Variants in COLGALT2 observed in about 807,000 individuals in gnomAD.
COLGALT2 encodes procollagen galactosyltransferase 2.
A neutral mutation model predicts 73.4 loss-of-function variants in COLGALT2; 49 were observed. The observed-to-expected ratio is 0.67, with a 90% CI of 0.53 to 0.85. The LOEUF is 0.85. COLGALT2 is among the 40% of genes least tolerant of loss of function. COLGALT2 has a pLI of 0.00. For missense variants in COLGALT2, 722 were observed against 790.2 expected (o/e 0.91, Z 1.03); for synonymous variants, 295 against 307.6 (o/e 0.96, Z 0.43).
chr1:183,945,194 G>A (rs1189253160), intron 9 of COLGALT2, among the ~76,000 whole-genome samples: 3 of 152,186 alleles, frequency 2.0e-5, no homozygotes, highest in Admixed American at 1.3e-4. Context: ...TAATAAGAGT[G>A]TGGCACACAG....
At position 183,936,995 on chromosome 1, in the gene COLGALT2, T is replaced by C. The variant is rs1669973129; in HGVS notation, c.*1766A>G. ...CTACCTATTTGGTGATGAGACAGCT[T>C]GGTGATCACTTTCTCTAGACTCTGA... On this transcript the variant is annotated 3_prime_UTR_variant, in exon 12 of 12. Transcript: ENST00000361927. The C allele has an allele frequency of 8.1e-7, 1 of 1,231,648 alleles. No homozygotes were observed. The highest frequency in any genetic ancestry group is 1.6e-5 in the African/African-American group (1 of 64,420). 76.3% of individuals were successfully genotyped at this position (1,231,648 alleles called of 1,614,324 possible).
intron 1 of COLGALT2, among the ~76,000 whole-genome samples, chr1:183,991,481 T>C (rs972675244): frequency 3.3e-5 from 5 of 152,136 alleles, no homozygotes; most frequent in African/African-American, 9.7e-5. Flanking sequence ...TCCCACAGAG[T>C]ATCCCAGAAT....
At chr1:184,015,172 A>C (rs12133341) in intron 1 of COLGALT2, among the ~76,000 whole-genome samples, 22,830 of 152,166 alleles carry the variant, frequency 0.15, 2,049 homozygotes, top group East Asian at 0.45. Flanking sequence ...CTGAAGACCA[A>C]AGGAAACTTT....
chr1:184,029,012 T>A (rs1649419292), intron 1 of COLGALT2, among the ~76,000 whole-genome samples: 1 of 152,192 alleles, frequency 6.6e-6, no homozygotes, highest in Admixed American at 6.5e-5. Context: ...GAGCTATTAT[T>A]CAAAGTCTAA....
Position 183,937,281 on chromosome 1 carries a change from A to G in COLGALT2, c.*1480T>C. The G allele has an allele frequency of 7.0e-6, 8 of 1,140,708 alleles. No individual in the cohort carries two copies. The highest frequency in any genetic ancestry group is 8.6e-6 in the Non-Finnish European group (8 of 930,704). 70.7% of individuals were successfully genotyped at this position (1,140,708 alleles called of 1,614,324 possible). Reference sequence around the variant, plus strand: ...ACGGTGCTGGTATGGGATGCCTGGGAGGGTTTTTCTGGAGACAAAAATTTA... The same window carrying G: ...ACGGTGCTGGTATGGGATGCCTGGGGGGGTTTTTCTGGAGACAAAAATTTA... On this transcript the variant is annotated 3_prime_UTR_variant, in exon 12 of 12. Coordinates refer to ENST00000361927, the MANE Select transcript of COLGALT2 (RefSeq NM_015101.4).
chr1:184,014,742 T>C (rs1174164541), intron 1 of COLGALT2, among the ~76,000 whole-genome samples: 3 of 152,030 alleles, frequency 2.0e-5, no homozygotes, highest in Non-Finnish European at 4.4e-5. Context: ...AGAGTAAAAA[T>C]GAGAAGTTTA....
chr1:183,955,171 G>A (rs996478987), intron 6 of COLGALT2, among the ~76,000 whole-genome samples: 6 of 152,180 alleles, frequency 3.9e-5, no homozygotes, highest in African/African-American at 1.4e-4. Flanking sequence ...GTTTGCGAAG[G>A]AGTAGGAGAG....
At chr1:183,987,208 A>C (rs1671511814) in intron 1 of COLGALT2, among the ~76,000 whole-genome samples, 1 of 152,164 alleles carries the variant, frequency 6.6e-6, no homozygotes, top group Non-Finnish European at 1.5e-5. Context: ...TCATTTGTCT[A>C]TCTACCCTCT....
chr1:183,935,302 G>C (rs891070814), downstream of COLGALT2, among the ~76,000 whole-genome samples: 9 of 152,192 alleles, frequency 5.9e-5, no homozygotes, highest in African/African-American at 1.9e-4. Context: ...GCCCCACACA[G>C]CAGTAGGGAC....
chr1:183,996,979 T>G (rs1213405187), intron 1 of COLGALT2, among the ~76,000 whole-genome samples: 1 of 152,110 alleles, frequency 6.6e-6, no homozygotes, highest in African/African-American at 2.4e-5. Flanking sequence ...TCAATACACA[T>G]GAGGTGAATG....
At chr1:184,033,426 A>G (rs765788155) in intron 1 of COLGALT2, among the ~76,000 whole-genome samples, 45 of 152,232 alleles carry the variant, frequency 3.0e-4, no homozygotes, top group Non-Finnish European at 5.4e-4. Context: ...TTTAGGACAC[A>G]TGAAATAGAT....
At chr1:183,932,548 C>T (rs946967628), downstream of COLGALT2, among the ~76,000 whole-genome samples, 1 of 152,166 alleles carries the variant, frequency 6.6e-6, no homozygotes, top group Middle Eastern at 3.2e-3. Context: ...GAACGGCACC[C>T]TGCGAAAAGC....
At chr1:183,931,990 G>A (rs927970457), downstream of COLGALT2, among the ~76,000 whole-genome samples, 3 of 152,080 alleles carry the variant, frequency 2.0e-5, no homozygotes, top group East Asian at 5.8e-4. Context: ...CAAGTCTGCA[G>A]AAATATGTTA....
chr1:183,930,484 G>A (rs1669819726), intron 11 of COLGALT2, among the ~76,000 whole-genome samples: 1 of 151,730 alleles, frequency 6.6e-6, no homozygotes, highest in African/African-American at 2.4e-5. Flanking sequence ...CGCTTCCTGG[G>A]CTCAAGCGAT....
At chr1:184,001,269 A>G (rs1187625676) in intron 1 of COLGALT2, among the ~76,000 whole-genome samples, 1 of 152,166 alleles carries the variant, frequency 6.6e-6, no homozygotes, top group Admixed American at 6.5e-5. Context: ...TAAAAAAAAT[A>G]AAATAAATAT....
intron 6 of COLGALT2, among the ~76,000 whole-genome samples, chr1:183,959,746 C>G (rs988634916): frequency 6.6e-6 from 1 of 152,066 alleles, no homozygotes. Context: ...TCCACGGATT[C>G]CCATTACTCT....
chr1:183,930,660 T>C (rs1008548059), intron 11 of COLGALT2, among the ~76,000 whole-genome samples: 1 of 147,038 alleles, frequency 6.8e-6, no homozygotes, highest in African/African-American at 2.5e-5. Flanking sequence ...CTCAAAGCGA[T>C]CTGCCTGCCT....
At chr1:183,996,062 T>C (rs1043141134) in intron 1 of COLGALT2, among the ~76,000 whole-genome samples, 2 of 152,220 alleles carry the variant, frequency 1.3e-5, no homozygotes, top group Non-Finnish European at 2.9e-5. Flanking sequence ...ATAGTATTCT[T>C]TTCTAGTCTT....
chr1:183,993,727 G>A (rs1671692849), intron 1 of COLGALT2, among the ~76,000 whole-genome samples: 1 of 152,160 alleles, frequency 6.6e-6, no homozygotes, highest in South Asian at 2.1e-4. Flanking sequence ...AACATTCAAA[G>A]TTCATGTCCC....
Sources: allele counts gnomAD v4.1 joint callset (sites outside exome capture counted in the v4.1 genomes callset), GRCh38; gene constraint gnomAD v4.1.1; transcripts MANE v1.5; gene names NCBI Gene and HGNC (gene_info 2026-07-23, HGNC 2026-07-21).